PIK3CB: variants seen among roughly 807,000 people sequenced by gnomAD.
PIK3CB encodes the protein phosphatidylinositol 4,5-bisphosphate 3-kinase catalytic subunit beta isoform.
Under a neutral mutation model 136.8 loss-of-function variants are expected in PIK3CB, and 39 were observed. That is an observed-to-expected ratio of 0.29 (90% CI 0.22 to 0.37). The LOEUF (loss-of-function observed/expected upper bound fraction) is 0.37, where lower values mean the gene tolerates loss of function less well. Ranked by LOEUF, PIK3CB falls within the 10% of genes least tolerant of loss-of-function variation. The probability of loss-of-function intolerance (pLI) is 1.00; values close to 1 mark genes in which losing one functional copy is unlikely to be tolerated. For synonymous variants in PIK3CB, 428 were observed against 436.6 expected, an observed-to-expected ratio of 0.98 and a Z score of 0.25; for missense variants, 868 against 1,275.4, an observed-to-expected ratio of 0.68 and a Z score of 4.87.
In PIK3CB at chr3:138,662,113, C is replaced by CTT. The variant is rs1173189507; in HGVS notation, c.2796+1791_2796+1792dup. ...ACTTTTTTTTTTTAGCATTGGTAAT[C>CTT]TTTTTTTTTTTTTTTATTTTAAGTT... On this transcript the variant is annotated intron_variant, in intron 21 of 23. Coordinates refer to ENST00000674063, the MANE Select transcript of PIK3CB (RefSeq NM_006219.3). Among the ~76,000 whole-genome samples, 13 of 136,134 alleles carry CTT rather than the reference C, an allele frequency of 9.5e-5. 1 individual carries two copies. The highest frequency in any genetic ancestry group is 7.4e-4 in the Admixed American group (10 of 13,568). The allele number at this position is 136,134 out of a possible 152,430, so 89.3% of individuals were successfully genotyped here. A position where few individuals can be genotyped will look rare whatever the true frequency, so the allele number is the denominator to read the frequency against.
At chr3:138,712,368 T>C (rs557991212) in intron 9 of PIK3CB, 64 bp from the exon 10 acceptor site, 15 of 642,320 alleles carry the variant, frequency 2.3e-5, no homozygotes, top group Middle Eastern at 2.6e-4. Context: ...AACATGCACA[T>C]GTCCTTTGTT....
intron 2 of PIK3CB, among the ~76,000 whole-genome samples, chr3:138,776,377 T>C (rs361066): frequency 0.49 from 74,432 of 151,834 alleles, 20,742 homozygotes; most frequent in East Asian, 0.98. Flanking sequence ...GGATAAAACA[T>C]TAGCAAGGAA....
intron 1 of PIK3CB, among the ~76,000 whole-genome samples, chr3:138,814,799 C>T (rs1282142150): frequency 3.3e-5 from 5 of 152,040 alleles, no homozygotes; most frequent in Non-Finnish European, 7.4e-5. Flanking sequence ...CTCAGGAATT[C>T]TAGCCCAGCC....
In PIK3CB at chr3:138,684,635, A is replaced by G; in HGVS notation, c.2305T>C (p.Ser769Pro). The G allele has an allele frequency of 6.2e-7, 1 of 1,604,256 alleles. No homozygotes were observed. Among genetic ancestry groups the G allele is most frequent in the Non-Finnish European group, 8.5e-7 (1 of 1,176,278 alleles). Reference sequence around the variant, plus strand: ...AGCACAGTCACTTACTAGAGTTCTGAGAGGATAACACATGGGTTCAGGGGT... The same window carrying G: ...AGCACAGTCACTTACTAGAGTTCTGGGAGGATAACACATGGGTTCAGGGGT... ...QSPLNPCVIL[S>P]ELYVEKCKYM... Residue 769 changes from serine to proline, a missense_variant, in exon 17 of 24, where the codon TCA becomes CCA. By Grantham distance (74) the Ser-to-Pro change is moderately conservative (BLOSUM62 -1). Transcript: ENST00000674063.
At chr3:138,700,742 GAT>G (rs2108537211) in intron 12 of PIK3CB, among the ~76,000 whole-genome samples, 2 of 149,184 alleles carry the variant, frequency 1.3e-5, no homozygotes, top group East Asian at 1.9e-4. Context: ...TAGATAGATA[GAT>G]AGAGATAGAG....
chr3:138,755,215 T>C (rs538721502), intron 4 of PIK3CB, among the ~76,000 whole-genome samples: 1 of 152,342 alleles, frequency 6.6e-6, no homozygotes. Flanking sequence ...GTATAAAATA[T>C]GTTCATTCTA....
intron 8 of PIK3CB, among the ~76,000 whole-genome samples, chr3:138,722,908 T>C (rs917651900): frequency 5.9e-4 from 90 of 152,236 alleles, no homozygotes; most frequent in African/African-American, 2.0e-3. Context: ...ACAGTCAAAG[T>C]ATGATTTATT....
In PIK3CB at chr3:138,680,283, A is replaced by G. The variant is rs2043743227; in HGVS notation, c.2504+1684T>C. ...TGAGGCAGGAGAATCACTTGAACTC[A>G]GGAGGCGGAGGCTGCAGTGAGCCGA... On this transcript the variant is annotated intron_variant, in intron 19 of 23. Transcript: ENST00000674063. Among the ~76,000 whole-genome samples, 3 of 151,842 alleles carry G rather than the reference A, an allele frequency of 2.0e-5. No homozygotes were observed. The South Asian group carries it at 6.2e-4, about 32-fold the overall frequency.
At chr3:138,705,174 C>CAAAAAAAAAAAAA (rs1159172292) in intron 11 of PIK3CB, among the ~76,000 whole-genome samples, 4 of 57,062 alleles carry the variant, frequency 7.0e-5, no homozygotes, top group African/African-American at 1.7e-4. Flanking sequence ...AAAAAAAAAA[C>CAAAAAAAAAAAAA]AAAAAACAAA....
chr3:138,766,805 T>A (rs1428713220), intron 2 of PIK3CB, among the ~76,000 whole-genome samples: 2 of 152,210 alleles, frequency 1.3e-5, no homozygotes, highest in Non-Finnish European at 1.5e-5. Flanking sequence ...GAAATGTTTT[T>A]CCCAACTAGG....
At chr3:138,730,138 T>C (rs1190097468) in intron 8 of PIK3CB, among the ~76,000 whole-genome samples, 3 of 152,168 alleles carry the variant, frequency 2.0e-5, no homozygotes, top group Admixed American at 6.5e-5. Context: ...AAAAGAGAAC[T>C]ACAGTGCTAG....
At chr3:138,712,638 C>T (rs986562012) in intron 9 of PIK3CB, among the ~76,000 whole-genome samples, 1 of 146,654 alleles carries the variant, frequency 6.8e-6, no homozygotes, top group Non-Finnish European at 1.5e-5. Flanking sequence ...GTGATCTCGG[C>T]TCACTGCAAC....
At chr3:138,691,504 C>T (rs2044007188) in intron 14 of PIK3CB, among the ~76,000 whole-genome samples, 1 of 152,148 alleles carries the variant, frequency 6.6e-6, no homozygotes, top group African/African-American at 2.4e-5. Flanking sequence ...ATCAATGTGG[C>T]CCTCCATGCT....
intron 10 of PIK3CB, among the ~76,000 whole-genome samples, chr3:138,709,831 T>C (rs936526323): frequency 1.4e-4 from 22 of 152,096 alleles, no homozygotes; most frequent in African/African-American, 5.1e-4. Context: ...GAAAGTACAG[T>C]ATTTTGCTGC....
chr3:138,814,280 C>A (rs1188488420), intron 1 of PIK3CB, among the ~76,000 whole-genome samples: 3 of 151,996 alleles, frequency 2.0e-5, no homozygotes, highest in African/African-American at 4.8e-5. Context: ...GAGCTTGAGA[C>A]CACTTTGACC....
chr3:138,685,747 T>C (rs2043876828), intron 16 of PIK3CB, among the ~76,000 whole-genome samples: 1 of 152,120 alleles, frequency 6.6e-6, no homozygotes, highest in South Asian at 2.1e-4. Context: ...ATAATAACTA[T>C]GGCTATCAAA....
intron 22 of PIK3CB, among the ~76,000 whole-genome samples, chr3:138,656,823 T>G (rs1041406263): frequency 6.6e-6 from 1 of 151,986 alleles, no homozygotes; most frequent in African/African-American, 2.4e-5. Context: ...CAGGCTGGAG[T>G]GCAGTGGCGT....
At chr3:138,659,381 G>A (rs1388808469) in intron 21 of PIK3CB, among the ~76,000 whole-genome samples, 1 of 152,086 alleles carries the variant, frequency 6.6e-6, no homozygotes, top group East Asian at 1.9e-4. Flanking sequence ...GGGCGTGGTG[G>A]CGCATGCCTG....
chr3:138,739,116 C>T (rs533033770), intron 5 of PIK3CB, among the ~76,000 whole-genome samples: 1 of 152,168 alleles, frequency 6.6e-6, no homozygotes, highest in Non-Finnish European at 1.5e-5. Context: ...GTCATGAGGG[C>T]AGAGTCCTCA....
Sources: gnomAD v4.1 joint callset for allele counts (sites outside exome capture counted in the v4.1 genomes callset) on GRCh38, gnomAD v4.1.1 for gene constraint, MANE v1.5 for transcripts, NCBI Gene and HGNC (gene_info 2026-07-23, HGNC 2026-07-21) for gene names.